CLVS1: variants seen among roughly 807,000 people sequenced by gnomAD.
CLVS1 encodes the protein clavesin-1.
A neutral mutation model predicts 33.1 loss-of-function variants in CLVS1; 10 were observed. That is an observed-to-expected ratio of 0.30 (90% CI 0.19 to 0.51). The LOEUF is 0.51. CLVS1 is among the 20% of genes least tolerant of loss of function. The probability of loss-of-function intolerance (pLI) is 0.97; values close to 1 mark genes in which losing one functional copy is unlikely to be tolerated. For missense variants in CLVS1, 343 were observed against 433.4 expected (o/e 0.79, Z 1.85); for synonymous variants, 163 against 166.1 (o/e 0.98, Z 0.14).
the CLVS1 span, among the ~76,000 whole-genome samples, chr8:60,978,809 C>CAAA: frequency 2.4e-3 from 54 of 22,492 alleles, no homozygotes; most frequent in East Asian, 4.1e-3. Flanking sequence ...GACTCCATCT[C>CAAA]AAAAAAAAAA....
At chr8:60,968,687 G>A in the CLVS1 span, among the ~76,000 whole-genome samples, 4 of 151,808 alleles carry the variant, frequency 2.6e-5, no homozygotes, top group Admixed American at 2.0e-4. Context: ...CCAGGGGTTC[G>A]AGACCAGCCT....
intron 3 of CLVS1, among the ~76,000 whole-genome samples, chr8:61,398,684 C>T (rs1299203931): frequency 3.3e-5 from 5 of 152,108 alleles, no homozygotes; most frequent in Admixed American, 1.3e-4. Context: ...AACTATTCTT[C>T]CAGATGCTCT....
intron 3 of CLVS1, among the ~76,000 whole-genome samples, chr8:61,452,312 A>G (rs1816992490): frequency 6.6e-6 from 1 of 152,256 alleles, no homozygotes; most frequent in Admixed American, 6.5e-5. Flanking sequence ...CTAGAACTAT[A>G]TAACACACCA....
In CLVS1 at chr8:61,066,054, A is replaced by G. The variant is rs1804672184; in HGVS notation, c.-243+8824A>G. Among the ~76,000 whole-genome samples, 2 of 152,346 alleles carry G rather than the reference A, an allele frequency of 1.3e-5. 1 individual carries two copies. Among genetic ancestry groups the G allele is most frequent in the Middle Eastern group, 6.8e-3 (2 of 294 alleles). ...TTTTTATGTGGACATATTTCTAAACATATGTATGAAGATCAGGAGTGTATT... is the reference window on the plus strand; with the variant it reads ...TTTTTATGTGGACATATTTCTAAACGTATGTATGAAGATCAGGAGTGTATT... On this transcript the variant is annotated intron_variant, in intron 1 of 2. Coordinates refer to the CLVS1 transcript ENST00000522621.
the CLVS1 span, among the ~76,000 whole-genome samples, chr8:61,041,045 G>T: frequency 5.9e-5 from 9 of 151,860 alleles, no homozygotes; most frequent in African/African-American, 2.2e-4. Context: ...TCATTCTTTT[G>T]CATATGGCTA....
chr8:61,094,084 ATC>A (rs1187360500), intron 1 of CLVS1, among the ~76,000 whole-genome samples: 1 of 152,198 alleles, frequency 6.6e-6, no homozygotes, highest in African/African-American at 2.4e-5. Flanking sequence ...AGGAAAATGC[ATC>A]TCTCTTTTCT....
At chr8:61,006,644 ATAAT>A in the CLVS1 span, among the ~76,000 whole-genome samples, 1 of 152,222 alleles carries the variant, frequency 6.6e-6, no homozygotes, top group Non-Finnish European at 1.5e-5. Flanking sequence ...TCTAGCATCT[ATAAT>A]TGATTGTATA....
intron 2 of CLVS1, among the ~76,000 whole-genome samples, chr8:61,174,235 A>C (rs1207147767): frequency 1.3e-5 from 2 of 152,202 alleles, no homozygotes; most frequent in Non-Finnish European, 2.9e-5. Context: ...ACAACCTATA[A>C]GGTCAAATCA....
At chr8:61,466,793 G>T (rs2129607538) in intron 5 of CLVS1, among the ~76,000 whole-genome samples, 1 of 152,178 alleles carries the variant, frequency 6.6e-6, no homozygotes, top group Non-Finnish European at 1.5e-5. Flanking sequence ...GATTACAGGT[G>T]CCCACCACCA....
At chr8:61,254,578 C>T (rs1253078875) in intron 2 of CLVS1, among the ~76,000 whole-genome samples, 2 of 152,152 alleles carry the variant, frequency 1.3e-5, no homozygotes, top group Admixed American at 6.5e-5. Context: ...CCAGTTTGAG[C>T]TTCCCAGCCA....
chr8:61,086,094 G>A (rs1273842170), intron 1 of CLVS1, among the ~76,000 whole-genome samples: 1 of 141,132 alleles, frequency 7.1e-6, no homozygotes, highest in Admixed American at 7.4e-5. Context: ...TGTTGTGGTG[G>A]TGTGTGACTG....
intron 3 of CLVS1, among the ~76,000 whole-genome samples, chr8:61,426,325 C>G (rs896401706): frequency 3.9e-5 from 6 of 152,196 alleles, no homozygotes; most frequent in Non-Finnish European, 5.9e-5. Context: ...TACCTTGTTA[C>G]TTCTAGCTCA....
At chr8:61,142,699 A>G (rs2129293351) in intron 2 of CLVS1, among the ~76,000 whole-genome samples, 1 of 152,280 alleles carries the variant, frequency 6.6e-6, no homozygotes, top group South Asian at 2.1e-4. Flanking sequence ...CAGGCTTCTC[A>G]TGCTTGTCTT....
At chr8:61,187,395 T>G (rs1807363507) in intron 2 of CLVS1, among the ~76,000 whole-genome samples, 1 of 152,156 alleles carries the variant, frequency 6.6e-6, no homozygotes, top group African/African-American at 2.4e-5. Context: ...ACCCAACATT[T>G]GCTCTCACAA....
intron 1 of CLVS1, among the ~76,000 whole-genome samples, chr8:61,062,092 C>T (rs1804592888): frequency 6.6e-6 from 1 of 152,114 alleles, no homozygotes; most frequent in Non-Finnish European, 1.5e-5. Context: ...GAACTATGAA[C>T]ATCACTGGAC....
At chr8:61,236,767 C>A (rs992490024) in intron 2 of CLVS1, among the ~76,000 whole-genome samples, 1 of 152,086 alleles carries the variant, frequency 6.6e-6, no homozygotes, top group African/African-American at 2.4e-5. Flanking sequence ...TGGAGTTCAC[C>A]GACCTCATTT....
intron 2 of CLVS1, among the ~76,000 whole-genome samples, chr8:61,304,155 T>C (rs1810531813): frequency 6.6e-6 from 1 of 152,240 alleles, no homozygotes; most frequent in Non-Finnish European, 1.5e-5. Context: ...TGGGAAGTCA[T>C]TTGAATATCT....
chr8:61,118,257 C>T (rs1287496653), intron 1 of CLVS1, among the ~76,000 whole-genome samples: 1 of 151,178 alleles, frequency 6.6e-6, no homozygotes, highest in Non-Finnish European at 1.5e-5. Context: ...TTAGATTCTT[C>T]TCTCTTTTTT....
chr8:61,090,540 C>T (rs6471919), intron 1 of CLVS1, among the ~76,000 whole-genome samples: 7,291 of 151,722 alleles, frequency 0.048, 576 homozygotes, highest in African/African-American at 0.17. Flanking sequence ...AAAAAAAAAG[C>T]GTGATTCCAA....
Sources: gnomAD v4.1 joint callset for allele counts (sites outside exome capture counted in the v4.1 genomes callset) on GRCh38, gnomAD v4.1.1 for gene constraint, MANE v1.5 for transcripts, NCBI Gene and HGNC (gene_info 2026-07-23, HGNC 2026-07-21) for gene names.